Variants in DAB1 observed in about 807,000 individuals in gnomAD.
The protein encoded by DAB1 is DAB adaptor protein 1.
Under a neutral mutation model 64.6 loss-of-function variants are expected in DAB1, and 15 were observed. The observed-to-expected ratio is 0.23, with a 90% confidence interval of 0.16 to 0.36. DAB1 has a LOEUF of 0.36. Ranked by LOEUF, DAB1 falls within the 10% of genes least tolerant of loss-of-function variation. The probability of loss-of-function intolerance (pLI) is 1.00; values close to 1 mark genes in which losing one functional copy is unlikely to be tolerated. For missense variants in DAB1, 596 were observed against 706.7 expected (o/e 0.84, Z 1.78); for synonymous variants, 235 against 251.9 (o/e 0.93, Z 0.64).
intron 2 of DAB1, among the ~76,000 whole-genome samples, chr1:57,262,200 T>C (rs931467838): frequency 6.6e-6 from 1 of 152,222 alleles, no homozygotes; most frequent in African/African-American, 2.4e-5. Context: ...TTTCGCATTG[T>C]TATTCCCATT....
chr1:58,411,685 G>A (rs1178632998), intron 3 of DAB1, among the ~76,000 whole-genome samples: 1 of 152,188 alleles, frequency 6.6e-6, no homozygotes, highest in Non-Finnish European at 1.5e-5. Flanking sequence ...TAAGAGTTCA[G>A]CATAGCTGGA....
At chr1:57,919,918 T>G (rs1644784367) in intron 5 of DAB1, among the ~76,000 whole-genome samples, 1 of 152,208 alleles carries the variant, frequency 6.6e-6, no homozygotes, top group Admixed American at 6.5e-5. Context: ...TTAAGGAAAC[T>G]ATTCCAAATA....
chr1:57,586,735 A>T (rs1645385477), intron 7 of DAB1, among the ~76,000 whole-genome samples: 1 of 150,218 alleles, frequency 6.7e-6, no homozygotes, highest in African/African-American at 2.5e-5. Context: ...TTATCCATTG[A>T]CCTGTTCCTG....
chr1:57,666,854 GA>G (rs1646453667), intron 6 of DAB1, among the ~76,000 whole-genome samples: 1 of 148,618 alleles, frequency 6.7e-6, no homozygotes, highest in East Asian at 2.0e-4. Flanking sequence ...TAAAAGGAGG[GA>G]GAGGGAGAGG....
intron 5 of DAB1, among the ~76,000 whole-genome samples, chr1:58,128,449 A>C (rs1245268890): frequency 7.6e-6 from 1 of 132,300 alleles, no homozygotes; most frequent in African/African-American, 3.0e-5. Flanking sequence ...AATACCCTTT[A>C]TTTCCTTCTG....
At chr1:58,078,239 C>T (rs1222293198) in intron 5 of DAB1, among the ~76,000 whole-genome samples, 1 of 152,216 alleles carries the variant, frequency 6.6e-6, no homozygotes, top group Non-Finnish European at 1.5e-5. Flanking sequence ...AGAACTTCTG[C>T]CCTGACCCCC....
At chr1:57,507,250 C>T (rs1324504168) in intron 7 of DAB1, among the ~76,000 whole-genome samples, 1 of 152,166 alleles carries the variant, frequency 6.6e-6, no homozygotes, top group Non-Finnish European at 1.5e-5. Context: ...CCACTCATTA[C>T]TGCATGCATG....
chr1:58,335,328 G>C (rs1663087520), intron 4 of DAB1, among the ~76,000 whole-genome samples: 2 of 152,154 alleles, frequency 1.3e-5, no homozygotes, highest in Non-Finnish European at 2.9e-5. Context: ...GTGGAGGAGT[G>C]GCCTGGGGCC....
intron 2 of DAB1, among the ~76,000 whole-genome samples, chr1:57,184,716 T>C (rs1027735234): frequency 6.6e-6 from 1 of 152,094 alleles, no homozygotes; most frequent in African/African-American, 2.4e-5. Context: ...AACCCTGTGC[T>C]CCTGGGTGTG....
At chr1:57,090,750 T>C (rs1653577646) in intron 4 of DAB1, among the ~76,000 whole-genome samples, 1 of 152,138 alleles carries the variant, frequency 6.6e-6, no homozygotes, top group Non-Finnish European at 1.5e-5. Flanking sequence ...AATTGAAGTA[T>C]GTCTTCTAAA....
intron 11 of DAB1, among the ~76,000 whole-genome samples, chr1:57,020,576 A>C (rs1646581434): frequency 6.6e-6 from 1 of 152,206 alleles, no homozygotes; most frequent in South Asian, 2.1e-4. Flanking sequence ...CTGAAGACCT[A>C]AACTTTATTA....
chr1:57,709,402 T>C (rs1647001636), intron 6 of DAB1, among the ~76,000 whole-genome samples: 1 of 152,152 alleles, frequency 6.6e-6, no homozygotes, highest in African/African-American at 2.4e-5. Context: ...CCAATTCCCA[T>C]TTATGATTTT....
intron 5 of DAB1, among the ~76,000 whole-genome samples, chr1:58,113,687 G>A (rs1652127171): frequency 6.6e-6 from 1 of 151,464 alleles, no homozygotes; most frequent in Non-Finnish European, 1.5e-5. Context: ...GAAAGATAAG[G>A]GGAGCTCAAA....
chr1:57,732,142 C>T (rs1647459289), intron 6 of DAB1, among the ~76,000 whole-genome samples: 1 of 152,164 alleles, frequency 6.6e-6, no homozygotes, highest in Admixed American at 6.5e-5. Flanking sequence ...GTGGTGGAGT[C>T]AGCTGATCTG....
At chr1:57,616,085 C>A (rs1405368434) in intron 7 of DAB1, among the ~76,000 whole-genome samples, 6 of 152,136 alleles carry the variant, frequency 3.9e-5, no homozygotes, top group African/African-American at 9.7e-5. Flanking sequence ...TACTACCTGT[C>A]CAGTGTTCTT....
intron 6 of DAB1, among the ~76,000 whole-genome samples, chr1:57,712,953 C>T (rs954071958): frequency 2.0e-5 from 3 of 152,146 alleles, no homozygotes; most frequent in Admixed American, 6.5e-5. Flanking sequence ...ATATTTTTCT[C>T]GCTGCATTAA....
chr1:57,094,885 G>C (rs1370009446), intron 4 of DAB1, among the ~76,000 whole-genome samples: 1 of 152,102 alleles, frequency 6.6e-6, no homozygotes, highest in Non-Finnish European at 1.5e-5. Context: ...AAAGTATCTA[G>C]TCATGCCCTA....
intron 6 of DAB1, among the ~76,000 whole-genome samples, chr1:57,781,041 C>A (rs1224645685): frequency 6.9e-6 from 1 of 145,752 alleles, no homozygotes; most frequent in African/African-American, 2.5e-5. Flanking sequence ...TGTATTATTT[C>A]TTTCCAATCT....
intron 4 of DAB1, among the ~76,000 whole-genome samples, chr1:58,151,470 G>A (rs199900600): frequency 1.3e-5 from 2 of 152,138 alleles, no homozygotes; most frequent in African/African-American, 2.4e-5. Flanking sequence ...TCATGTGTCT[G>A]TTGGCTGCAT....
Sources: allele counts gnomAD v4.1 joint callset (sites outside exome capture counted in the v4.1 genomes callset), GRCh38; gene constraint gnomAD v4.1.1; transcripts MANE v1.5; gene names NCBI Gene and HGNC (gene_info 2026-07-23, HGNC 2026-07-21).